Variants in ELAPOR1 observed in about 807,000 individuals in gnomAD.
ELAPOR1 encodes endosome/lysosome-associated apoptosis and autophagy regulator 1.
Under a neutral mutation model 119.7 loss-of-function variants are expected in ELAPOR1, and 77 were observed. The observed-to-expected ratio is 0.64, with a 90% CI of 0.54 to 0.78. ELAPOR1 has a LOEUF of 0.78. Ranked by LOEUF, ELAPOR1 falls within the 30% of genes least tolerant of loss-of-function variation. The pLI is 0.00. For missense variants in ELAPOR1, 1,115 were observed against 1,270.4 expected, an observed-to-expected ratio of 0.88 and a Z score of 1.86; for synonymous variants, 481 against 487.2, an observed-to-expected ratio of 0.99 and a Z score of 0.17.
At chr1:109,154,497 G>A (rs148548744) in intron 1 of ELAPOR1, among the ~76,000 whole-genome samples, 1 of 152,278 alleles carries the variant, frequency 6.6e-6, no homozygotes, top group African/African-American at 2.4e-5. Flanking sequence ...TCGTCTCAGA[G>A]ACTGTTTGTT....
Position 109,203,258 on chromosome 1 carries a change from A to C in ELAPOR1, c.*246A>C. On this transcript the variant is annotated 3_prime_UTR_variant, in exon 22 of 22. Coordinates refer to ENST00000369939, the MANE Select transcript of ELAPOR1 (RefSeq NM_020775.5). ...TGCCCTTGCTTGTATCTTGTTTCCC[A>C]AAATGGCCCATCCGCCAGAGCCATA... is the stretch of plus-strand genomic sequence containing the variant. 1 of 486,690 alleles carries C rather than the reference A, an allele frequency of 2.1e-6. No individual in the cohort carries two copies. The highest frequency in any genetic ancestry group is 3.7e-6 in the Non-Finnish European group (1 of 273,036). The allele number at this position is 486,690 out of a possible 1,614,324, so 30.1% of individuals were successfully genotyped here. A position where few individuals can be genotyped will look rare whatever the true frequency, so the allele number is the denominator to read the frequency against.
chr1:109,194,641 A>G (rs2101123521), intron 15 of ELAPOR1, 47 bp downstream of exon 15: 2 of 1,565,450 alleles, frequency 1.3e-6, no homozygotes, highest in Middle Eastern at 1.7e-4. Context: ...GGGGAGGCCC[A>G]TGGATCAGAA....
At chr1:109,190,110 T>G (rs954840737) in intron 11 of ELAPOR1, among the ~76,000 whole-genome samples, 1 of 152,112 alleles carries the variant, frequency 6.6e-6, no homozygotes, top group Non-Finnish European at 1.5e-5. Context: ...AACACGAAAT[T>G]TGTTTCCCAC....
chr1:109,173,448 T>C (rs765521549), intron 5 of ELAPOR1, 26 bp from the exon 6 acceptor site: 104 of 1,589,862 alleles, frequency 6.5e-5, no homozygotes, highest in Non-Finnish European at 9.0e-5. Flanking sequence ...CTGTGATGAA[T>C]GAATGCTCCT....
chr1:109,194,249 T>C (rs1399167231), intron 14 of ELAPOR1, among the ~76,000 whole-genome samples, 172 bp from the exon 15 acceptor site: 1 of 152,234 alleles, frequency 6.6e-6, no homozygotes, highest in African/African-American at 2.4e-5. Flanking sequence ...CAAATGTACA[T>C]AAATCCCACT....
chr1:109,122,072 CTTT>C (rs535259096), intron 1 of ELAPOR1, among the ~76,000 whole-genome samples: 6 of 136,860 alleles, frequency 4.4e-5, no homozygotes, highest in Admixed American at 7.4e-5. Context: ...ACAGCTGGCT[CTTT>C]TTTTTTTTTT....
intron 3 of ELAPOR1, among the ~76,000 whole-genome samples, chr1:109,166,623 A>G (rs1651617079): frequency 6.6e-6 from 1 of 152,258 alleles, no homozygotes; most frequent in Non-Finnish European, 1.5e-5. Flanking sequence ...CAGCAAGGTT[A>G]TGACCTGCTC....
At chr1:109,149,435 C>T (rs1038132608) in intron 1 of ELAPOR1, among the ~76,000 whole-genome samples, 6 of 152,104 alleles carry the variant, frequency 3.9e-5, no homozygotes, top group Non-Finnish European at 8.8e-5. Flanking sequence ...CAGGGTGTTA[C>T]CCTCCCTGTT....
rs201268610 is a variant in ELAPOR1, at chr1:109,191,700, G to T, written c.1546-26G>T. 5 of 1,613,312 alleles carry T rather than the reference G, an allele frequency of 3.1e-6. No homozygotes were observed. In the African/African-American group the frequency reaches 4.0e-5, roughly 13 times the overall value. On this transcript the variant is annotated intron_variant, in intron 12 of 21. Transcript: ENST00000369939. Reference sequence around the variant, plus strand: ...CACTTCCCCTCTGGCCATCGCACCCGCTTCACTTGTCTGTCCTGGGTTCAG... The same window carrying T: ...CACTTCCCCTCTGGCCATCGCACCCTCTTCACTTGTCTGTCCTGGGTTCAG...
At chr1:109,152,183 G>T (rs1410253340) in intron 1 of ELAPOR1, among the ~76,000 whole-genome samples, 1 of 152,072 alleles carries the variant, frequency 6.6e-6, no homozygotes, top group Non-Finnish European at 1.5e-5. Flanking sequence ...TGCTAATTTT[G>T]ACATTCTCCC....
At chr1:109,199,247 C>G (rs1163363351) in intron 18 of ELAPOR1, among the ~76,000 whole-genome samples, 1 of 152,158 alleles carries the variant, frequency 6.6e-6, no homozygotes, top group Non-Finnish European at 1.5e-5. Flanking sequence ...ACACCCCCTC[C>G]CCTCCCCGCA....
intron 1 of ELAPOR1, among the ~76,000 whole-genome samples, chr1:109,145,287 A>G (rs476301): frequency 0.84 from 128,088 of 152,160 alleles, 54,143 homozygotes; most frequent in East Asian, 0.93. Context: ...GAAAAAAAAT[A>G]CATTTCTGTT....
At chr1:109,169,396 C>T (rs1651791615) in intron 3 of ELAPOR1, among the ~76,000 whole-genome samples, 2 of 152,108 alleles carry the variant, frequency 1.3e-5, no homozygotes, top group Admixed American at 1.3e-4. Flanking sequence ...CGTGCCACAA[C>T]ACCCAGCTAA....
intron 3 of ELAPOR1, among the ~76,000 whole-genome samples, chr1:109,167,368 G>A (rs989102292): frequency 5.9e-5 from 9 of 152,186 alleles, no homozygotes; most frequent in Non-Finnish European, 2.9e-5. Flanking sequence ...GAGGGAGGGA[G>A]AGGATATTTC....
intron 11 of ELAPOR1, among the ~76,000 whole-genome samples, 170 bp downstream of exon 11, chr1:109,189,852 G>GT (rs1232124305): frequency 3.3e-5 from 5 of 152,080 alleles, no homozygotes; most frequent in African/African-American, 1.2e-4. Context: ...ATGCTATCAC[G>GT]TTTTTCAAGT....
chr1:109,118,900 C>CTTCTTTTTTT (rs1553248605), intron 1 of ELAPOR1, among the ~76,000 whole-genome samples: 1 of 128,210 alleles, frequency 7.8e-6, no homozygotes, highest in African/African-American at 3.2e-5. Context: ...TTTGGTTCTT[C>CTTCTTTTTTT]TTTTTTTTTT....
chr1:109,188,708 C>T (rs1468080868), intron 9 of ELAPOR1, among the ~76,000 whole-genome samples: 2 of 152,168 alleles, frequency 1.3e-5, no homozygotes, highest in Non-Finnish European at 2.9e-5. Context: ...ACCTATAAGC[C>T]ATGCTGCCTT....
At position 109,173,683 on chromosome 1, in the gene ELAPOR1, C is replaced by T. The variant is rs1192006795; in HGVS notation, c.803-5C>T. On this transcript the variant is annotated splice_polypyrimidine_tract_variant and splice_region_variant and intron_variant, in intron 6 of 21. Transcript: ENST00000369939. ...TTGCTTTTCTGTGCTCTTCCTCCTC[C>T]CTAGGGGTGGCCTACACTTCAGAAT... 3 of 1,613,958 alleles carry T rather than the reference C, an allele frequency of 1.9e-6. No homozygotes were observed. Among genetic ancestry groups the T allele is most frequent in the Admixed American group, 3.3e-5 (2 of 60,004 alleles).
chr1:109,198,607 AG>A lies in ELAPOR1; in HGVS notation c.2435del (p.Arg812AsnfsTer94). On this transcript the variant is annotated frameshift_variant, in exon 18 of 22. Coordinates refer to ENST00000369939, the MANE Select transcript of ELAPOR1 (RefSeq NM_020775.5). LOFTEE classifies it high-confidence loss of function. Reference sequence around the variant, plus strand: ...TGTGACCCAGTCCTGCAGTTCTGGGAGATCAACCACCATCCGCGTCAGGTGC... The same window carrying A: ...TGTGACCCAGTCCTGCAGTTCTGGGAATCAACCACCATCCGCGTCAGGTGC... ...NDVTQSCSSG[R>X]STTIRVRCSP... The A allele has an allele frequency of 6.2e-7, 1 of 1,613,952 alleles. No homozygotes were observed. The highest frequency in any genetic ancestry group is 8.5e-7 in the Non-Finnish European group (1 of 1,179,954).
Sources: allele counts gnomAD v4.1 joint callset (sites outside exome capture counted in the v4.1 genomes callset), GRCh38; gene constraint gnomAD v4.1.1; transcripts MANE v1.5; gene names NCBI Gene and HGNC (gene_info 2026-07-23, HGNC 2026-07-21).